Variants in ACTN2 observed in about 807,000 individuals in gnomAD.
The protein encoded by ACTN2 is alpha-actinin-2.
Under a neutral mutation model 113.8 loss-of-function variants are expected in ACTN2, and 39 were observed. The ratio of observed to expected loss-of-function variants is 0.34; its 90% CI spans 0.27 to 0.45. The LOEUF is 0.45. ACTN2 is among the 20% of genes least tolerant of loss of function. ACTN2 has a pLI of 1.00. For missense variants in ACTN2, 992 were observed against 1,177.9 expected (o/e 0.84, Z 2.31); for synonymous variants, 429 against 444.1 (o/e 0.97, Z 0.43).
intron 13 of ACTN2, chr1:236,748,029 A>C (rs781069785): frequency 2.2e-4 from 98 of 448,098 alleles, no homozygotes; most frequent in Admixed American, 4.9e-4. Flanking sequence ...TTACGGCATA[A>C]ATCTACTTTG....
At chr1:236,709,842 TG>T (rs1372710521) in intron 1 of ACTN2, among the ~76,000 whole-genome samples, 1 of 152,190 alleles carries the variant, frequency 6.6e-6, no homozygotes, top group Non-Finnish European at 1.5e-5. Context: ...GCCCTACGTC[TG>T]GGATGAGTTT....
intron 6 of ACTN2, 93 bp downstream of exon 6, chr1:236,727,849 C>T: frequency 8.3e-7 from 1 of 1,211,058 alleles, no homozygotes; most frequent in Middle Eastern, 1.9e-4. Flanking sequence ...AGCACAAACC[C>T]CAGGGCCACC....
chr1:236,688,051 C>A (rs1665938048), intron 1 of ACTN2, among the ~76,000 whole-genome samples: 1 of 152,054 alleles, frequency 6.6e-6, no homozygotes, highest in Non-Finnish European at 1.5e-5. Context: ...AACTTCAAGC[C>A]GTCTACTATT....
In ACTN2 at chr1:236,763,526, A is replaced by C. The variant is rs1482096485; in HGVS notation, c.*907A>C. On this transcript the variant is annotated 3_prime_UTR_variant, in exon 21 of 21. Coordinates refer to ENST00000366578, the MANE Select transcript of ACTN2 (RefSeq NM_001103.4). ...CTGGTTCATCACAAGGCAAGTCAGA[A>C]ACCAGTATCCTTCTAGCTCTCCAGT... 1 of 152,232 alleles carries C rather than the reference A, an allele frequency of 6.6e-6. No homozygotes were observed. The highest frequency in any genetic ancestry group is 1.5e-5 in the Non-Finnish European group (1 of 68,062). The allele number at this position is 152,232 out of a possible 1,614,324, so 9.4% of individuals were successfully genotyped here.
intron 15 of ACTN2, 125 bp from the exon 16 acceptor site, chr1:236,753,822 C>G: frequency 8.8e-7 from 1 of 1,130,908 alleles, no homozygotes; most frequent in Non-Finnish European, 1.3e-6. Context: ...TCCCCCTACA[C>G]CCTCCTCCCT....
intron 11 of ACTN2, 79 bp from the exon 12 acceptor site, chr1:236,744,547 G>C: frequency 6.5e-7 from 1 of 1,538,464 alleles, no homozygotes; most frequent in Non-Finnish European, 8.9e-7. Context: ...GAATCTCACC[G>C]CTCCCTGAGA....
At chr1:236,721,015 G>GGGTTTTTTTTTTTTTTTTTTTTTTTTTTT in intron 4 of ACTN2, among the ~76,000 whole-genome samples, 2 of 49,138 alleles carry the variant, frequency 4.1e-5, no homozygotes, top group African/African-American at 1.0e-4. Context: ...TCTGGTTTTT[G>GGGTTTTTTTTTTTTTTTTTTTTTTTTTTT]TTTTTTGTTT....
chr1:236,737,710 C>T (rs1658934638), intron 9 of ACTN2, among the ~76,000 whole-genome samples: 1 of 152,072 alleles, frequency 6.6e-6, no homozygotes, highest in Non-Finnish European at 1.5e-5. Context: ...CAGAGGAAAT[C>T]TGGGGAAGAC....
chr1:236,723,701 C>T (rs748863119), intron 4 of ACTN2, among the ~76,000 whole-genome samples: 1 of 152,114 alleles, frequency 6.6e-6, no homozygotes, highest in Non-Finnish European at 1.5e-5. Flanking sequence ...AGGTAATCCA[C>T]CAGCCTCGGC....
rs149025139 is a variant in ACTN2, at chr1:236,729,876, C to T, written c.616-1357C>T. The stretch of plus-strand genomic sequence containing the variant: ...TGGTCAGTTTGTATTACAAAACATC[C>T]GTAGATCTGTAGTAATTGGTCATCT... On this transcript the variant is annotated intron_variant, in intron 6 of 20. Coordinates refer to ENST00000366578, the MANE Select transcript of ACTN2 (RefSeq NM_001103.4). Among the ~76,000 whole-genome samples, 25 of 152,210 alleles carry T rather than the reference C, an allele frequency of 1.6e-4. No homozygotes were observed. In the East Asian group the frequency reaches 3.9e-3, roughly 23 times the overall value.
At chr1:236,736,644 G>A (rs562366658) in intron 8 of ACTN2, 3 of 1,533,994 alleles carry the variant, frequency 2.0e-6, no homozygotes, top group African/African-American at 1.4e-5. Context: ...AGATGAGGAG[G>A]TCTTCAGTGA....
chr1:236,718,660 A>T (rs1398326556), intron 2 of ACTN2, among the ~76,000 whole-genome samples: 1 of 152,152 alleles, frequency 6.6e-6, no homozygotes, highest in Non-Finnish European at 1.5e-5. Flanking sequence ...CTCCCTGCAG[A>T]TCTGAAAAGC....
chr1:236,728,794 C>T (rs1409139762), intron 6 of ACTN2, among the ~76,000 whole-genome samples: 5 of 151,850 alleles, frequency 3.3e-5, no homozygotes, highest in African/African-American at 7.2e-5. Flanking sequence ...TTTGGGAAGC[C>T]GAGGCAGGAG....
intron 15 of ACTN2, 60 bp from the exon 16 acceptor site, chr1:236,753,887 T>A: frequency 6.9e-7 from 1 of 1,442,594 alleles, no homozygotes; most frequent in Non-Finnish European, 9.5e-7. Context: ...CCGCATTCTG[T>A]GGTTGTTCCT....
At chr1:236,731,700 A>C (rs16834278) in intron 7 of ACTN2, among the ~76,000 whole-genome samples, 10,012 of 152,306 alleles carry the variant, frequency 0.066, 372 homozygotes, top group Admixed American at 0.13. Flanking sequence ...TCCCTTTGTG[A>C]CATACTTAAG....
rs144867396 is a variant in ACTN2, at chr1:236,755,649, C to T, written c.2154+451C>T. The stretch of plus-strand genomic sequence containing the variant: ...TCCTGATAATATACTGCAGAGTGCC[C>T]ACTGCCACCGTTAGAACCCTGGTAA... On this transcript the variant is annotated intron_variant, in intron 17 of 20. Transcript: ENST00000366578. 3.3e-3 allele frequency among the ~76,000 whole-genome samples: 480 copies of T among 145,864 alleles called. 3 individuals carry two copies. The highest frequency in any genetic ancestry group is 0.012 in the African/African-American group (461 of 38,680).
intron 18 of ACTN2, among the ~76,000 whole-genome samples, chr1:236,758,347 A>G (rs79362221): frequency 0.035 from 4,747 of 136,522 alleles, 277 homozygotes; most frequent in Middle Eastern, 0.12. Flanking sequence ...GTGCAGTGGC[A>G]TGATCTCGGC....
In ACTN2 at chr1:236,763,932, C is replaced by T. The variant is rs1659779490; in HGVS notation, c.*1313C>T. The stretch of plus-strand genomic sequence containing the variant: ...TGTTGACAGCTTGTAGAGAATAAAG[C>T]AGGAATTCTTTTTATATCTGAGTCC... On this transcript the variant is annotated 3_prime_UTR_variant, in exon 21 of 21. Transcript: ENST00000366578. 1 of 152,166 alleles carries T rather than the reference C, an allele frequency of 6.6e-6. No homozygotes were observed. Among genetic ancestry groups the T allele is most frequent in the African/African-American group, 2.4e-5 (1 of 41,446 alleles). 9.4% of individuals were successfully genotyped at this position (152,166 alleles called of 1,614,324 possible).
chr1:236,686,654 G>A lies in ACTN2; in HGVS notation c.-20G>A. On this transcript the variant is annotated 5_prime_UTR_variant, in exon 1 of 21. Transcript: ENST00000366578. ...TCCGAGCCCCTCGCGCCCCGCCGCAGCCCCGGCCAACCGAGCGCCATGAAC... is the reference window on the plus strand; with the variant it reads ...TCCGAGCCCCTCGCGCCCCGCCGCAACCCCGGCCAACCGAGCGCCATGAAC... 6.5e-7 allele frequency: 1 copy of A among 1,547,170 alleles called. No homozygotes were observed. Among genetic ancestry groups the A allele is most frequent in the Non-Finnish European group, 8.7e-7 (1 of 1,146,932 alleles).
Sources: gnomAD v4.1 joint callset for allele counts (sites outside exome capture counted in the v4.1 genomes callset) on GRCh38, gnomAD v4.1.1 for gene constraint, MANE v1.5 for transcripts, NCBI Gene and HGNC (gene_info 2026-07-23, HGNC 2026-07-21) for gene names.